The following DCLK1 variants were observed in gnomAD, a reference collection of about 807,000 sequenced individuals.
DCLK1 encodes serine/threonine-protein kinase DCLK1.
A neutral mutation model predicts 86.2 loss-of-function variants in DCLK1; 16 were observed. The ratio of observed to expected loss-of-function variants is 0.19; its 90% CI spans 0.13 to 0.28. The LOEUF (loss-of-function observed/expected upper bound fraction) is 0.28, where lower values mean the gene tolerates loss of function less well. Ranked by LOEUF, DCLK1 falls within the 10% of genes least tolerant of loss-of-function variation. DCLK1 has a pLI of 1.00. For missense variants in DCLK1, 590 were observed against 940.2 expected (o/e 0.63, Z 4.87); for synonymous variants, 369 against 370.5 (o/e 1.00, Z 0.05).
chr13:35,918,817 C>A (rs1325453531), intron 4 of DCLK1, among the ~76,000 whole-genome samples: 1 of 147,566 alleles, frequency 6.8e-6, no homozygotes, highest in Non-Finnish European at 1.5e-5. Context: ...ATGTCTATAA[C>A]AACACAAGTG....
intron 15 of DCLK1, among the ~76,000 whole-genome samples, chr13:35,794,642 A>G: frequency 6.6e-6 from 1 of 152,208 alleles, no homozygotes; most frequent in Non-Finnish European, 1.5e-5. Flanking sequence ...GATGGCGAGC[A>G]AAGACAGGCA....
chr13:35,808,802 A>G (rs536131174), intron 13 of DCLK1, among the ~76,000 whole-genome samples: 34 of 152,266 alleles, frequency 2.2e-4, no homozygotes, highest in African/African-American at 6.3e-4. Context: ...GAAAAAAAAA[A>G]AAAGAAAGAA....
At chr13:35,884,861 T>C (rs914571068) in intron 4 of DCLK1, among the ~76,000 whole-genome samples, 2 of 152,138 alleles carry the variant, frequency 1.3e-5, no homozygotes, top group African/African-American at 4.8e-5. Context: ...TGATGATTCG[T>C]CATAGTTTAG....
intron 3 of DCLK1, among the ~76,000 whole-genome samples, chr13:36,015,755 C>G (rs1245943464): frequency 6.6e-6 from 1 of 152,150 alleles, no homozygotes; most frequent in Non-Finnish European, 1.5e-5. Flanking sequence ...TGATCATTCC[C>G]AAAGGACTTT....
intron 3 of DCLK1, among the ~76,000 whole-genome samples, chr13:36,043,466 CAA>C (rs1046023085): frequency 6.6e-6 from 1 of 151,410 alleles, no homozygotes; most frequent in Non-Finnish European, 1.5e-5. Flanking sequence ...GAAGAGAAAA[CAA>C]AGAGAAAGAA....
At chr13:35,823,434 C>A (rs2153105131) in intron 10 of DCLK1, among the ~76,000 whole-genome samples, 1 of 151,738 alleles carries the variant, frequency 6.6e-6, no homozygotes, top group East Asian at 1.9e-4. Flanking sequence ...ATAGTGTTTT[C>A]TTTTTCAATA....
At chr13:36,041,090 A>G (rs945133563) in intron 3 of DCLK1, among the ~76,000 whole-genome samples, 2 of 152,154 alleles carry the variant, frequency 1.3e-5, no homozygotes, top group African/African-American at 4.8e-5. Flanking sequence ...ACCAAAATCC[A>G]GGTATTATAT....
rs1319556990 is a variant in DCLK1, at chr13:35,867,953, G to GAAAGAAAGAAAGAAAGAAAGAAA, written c.940+3270_940+3271insTTTCTTTCTTTCTTTCTTTCTTT. On this transcript the variant is annotated intron_variant, in intron 5 of 16. Coordinates refer to ENST00000360631, the MANE Select transcript of DCLK1 (RefSeq NM_001330071.2). ...AGAAAGAAAGAAAGAAAGAAAGAAA[G>GAAAGAAAGAAAGAAAGAAAGAAA]AAAGAAAGAAAGAGAAAAAGAAAGA... Among the ~76,000 whole-genome samples the GAAAGAAAGAAAGAAAGAAAGAAA allele has an allele frequency of 1.5e-3, 221 of 145,696 alleles. 2 individuals carry two copies. The highest frequency in any genetic ancestry group is 5.1e-3 in the African/African-American group (202 of 39,490).
chr13:35,803,669 T>C (rs932266189), intron 15 of DCLK1, among the ~76,000 whole-genome samples: 10 of 152,188 alleles, frequency 6.6e-5, no homozygotes, highest in Admixed American at 2.6e-4. Flanking sequence ...ACCTGACACA[T>C]TGACTGTGCT....
chr13:35,825,129 G>T (rs114004252), intron 10 of DCLK1, among the ~76,000 whole-genome samples: 3 of 152,164 alleles, frequency 2.0e-5, no homozygotes, highest in African/African-American at 7.2e-5. Context: ...ATCCACTGCC[G>T]TCCGGAACAT....
At chr13:36,106,999 T>C (rs778914539) in intron 3 of DCLK1, among the ~76,000 whole-genome samples, 9 of 152,332 alleles carry the variant, frequency 5.9e-5, no homozygotes, top group Non-Finnish European at 1.0e-4. Context: ...AATAGATTCC[T>C]ATTAATCATC....
chr13:35,989,553 T>C (rs1354050729), intron 3 of DCLK1, among the ~76,000 whole-genome samples: 1 of 152,154 alleles, frequency 6.6e-6, no homozygotes, highest in Non-Finnish European at 1.5e-5. Flanking sequence ...ATTACAGGTG[T>C]ATAATCCCAT....
chr13:36,094,617 G>C (rs1884939291), intron 3 of DCLK1, among the ~76,000 whole-genome samples: 1 of 152,232 alleles, frequency 6.6e-6, no homozygotes. Flanking sequence ...TTTACTTACA[G>C]TTTTTAAAGG....
intron 3 of DCLK1, among the ~76,000 whole-genome samples, chr13:35,971,051 C>T (rs975701104): frequency 6.6e-6 from 1 of 152,164 alleles, no homozygotes; most frequent in Non-Finnish European, 1.5e-5. Flanking sequence ...AGAGCAGATG[C>T]CCCAGGAATA....
Position 35,827,728 on chromosome 13 carries a change from A to G in DCLK1, c.1314T>C (p.Ser438=), listed in dbSNP as rs1467541615. ...TGGGATGCTTCACTCTTCTTAAAAT[A>G]GACACTTCATTCTGGATCATGTGCT... is the stretch of plus-strand genomic sequence containing the variant. ...GKEHMIQNEV[S]ILRRVKHPNI... The change falls in exon 10 of 17, where the codon TCT becomes TCC. Residue 438 remains serine (S), a synonymous_variant. Transcript: ENST00000360631. The G allele has an allele frequency of 6.2e-7, 1 of 1,613,928 alleles. No homozygotes were observed.
At chr13:35,927,082 C>T (rs763449052) in intron 4 of DCLK1, among the ~76,000 whole-genome samples, 2 of 152,200 alleles carry the variant, frequency 1.3e-5, no homozygotes, top group Non-Finnish European at 2.9e-5. Flanking sequence ...TTGGCTTCCT[C>T]ATATTGTGAA....
rs11618244 is a variant in DCLK1 at position 35,880,342 on chromosome 13, C to A, written c.824-9002G>T. Among the ~76,000 whole-genome samples, 1,218 of 152,256 alleles carry A rather than the reference C, an allele frequency of 8.0e-3. 8 individuals are homozygous for A. The highest frequency in any genetic ancestry group is 0.013 in the Non-Finnish European group (910 of 68,034). On this transcript the variant is annotated intron_variant, in intron 4 of 16. Transcript: ENST00000360631. ...AGACTTCCACATTGCTGTGTGCGAACCCGAGTGTTGCAGAAGGGCCACAAG... is the reference window on the plus strand; with the variant it reads ...AGACTTCCACATTGCTGTGTGCGAAACCGAGTGTTGCAGAAGGGCCACAAG...
intron 3 of DCLK1, 131 bp downstream of exon 3, chr13:36,111,738 G>A: frequency 1.4e-6 from 1 of 711,788 alleles, no homozygotes; most frequent in East Asian, 2.7e-5. Flanking sequence ...GGGCCAGCAA[G>A]TACATATTTG....
At chr13:36,070,984 GAAGA>G (rs989249624) in intron 3 of DCLK1, among the ~76,000 whole-genome samples, 2 of 152,108 alleles carry the variant, frequency 1.3e-5, no homozygotes, top group African/African-American at 4.8e-5. Context: ...TGGTGTTCTG[GAAGA>G]AAGAGAAAAA....
Sources: allele counts gnomAD v4.1 joint callset (sites outside exome capture counted in the v4.1 genomes callset), GRCh38; gene constraint gnomAD v4.1.1; transcripts MANE v1.5; gene names NCBI Gene and HGNC (gene_info 2026-07-23, HGNC 2026-07-21).